Variants in PHKA1 observed in about 807,000 individuals in gnomAD.
The protein encoded by PHKA1 is phosphorylase kinase regulatory subunit alpha 1.
A neutral mutation model predicts 110.2 loss-of-function variants in PHKA1; 60 were observed. That is an observed-to-expected ratio of 0.54 (90% CI 0.44 to 0.68). The LOEUF is 0.68. PHKA1 is among the 30% of genes least tolerant of loss of function. The pLI is 0.00. For synonymous variants in PHKA1, 316 were observed against 333.6 expected (o/e 0.95, Z 0.58); for missense variants, 801 against 942.5 (o/e 0.85, Z 1.97).
chrX:72,652,486 G>T, intron 12 of PHKA1, 58 bp downstream of exon 12: 1 of 661,269 alleles, frequency 1.5e-6, no homozygotes, highest in Non-Finnish European at 2.5e-6. Context: ...TTAAAAATCT[G>T]ATTATTATGG....
In PHKA1 at chrX:72,582,530, C is replaced by T. The variant is rs782628604; in HGVS notation, c.3366G>A (p.Glu1122=). Residue 1122 remains glutamate (E), a synonymous_variant, in exon 31 of 32, where the codon GAG becomes GAA. Transcript: ENST00000373542. ...ESVLNRVPQP[E]YRQLLVEAIL... is the part of the protein sequence containing the mutation. ...TGGCTTCAACCAGCAGCTGACGGTA[C>T]TCTGGCTGAGGTACACGATTCAGGA... 2.3e-5 allele frequency: 28 copies of T among 1,202,436 alleles called. No homozygotes were observed. The highest frequency in any genetic ancestry group is 2.7e-5 in the Non-Finnish European group (24 of 888,328).
chrX:72,622,668 C>A (rs915195390), intron 18 of PHKA1: 1 of 743,950 alleles, frequency 1.3e-6, no homozygotes, highest in African/African-American at 2.3e-5. Context: ...ACTACACAGA[C>A]CTCCCCAGAG....
intron 3 of PHKA1, among the ~76,000 whole-genome samples, chrX:72,704,946 G>T (rs2054258853): frequency 9.0e-6 from 1 of 111,412 alleles, no homozygotes; most frequent in African/African-American, 3.3e-5. Context: ...ACAATTGCAT[G>T]TACAGTAATG....
chrX:72,602,330 C>A (rs1569426989), intron 26 of PHKA1, 57 bp from the exon 27 acceptor site: 1 of 717,498 alleles, frequency 1.4e-6, no homozygotes, highest in Non-Finnish European at 2.2e-6. Flanking sequence ...TCAATTTCTT[C>A]CCCATCACAT....
intron 13 of PHKA1, among the ~76,000 whole-genome samples, chrX:72,646,208 C>T (rs971259950): frequency 3.6e-5 from 4 of 111,559 alleles, no homozygotes; most frequent in Non-Finnish European, 7.5e-5. Context: ...CATCTTTGGG[C>T]CATGCTTTCC....
chrX:72,628,736 C>T (rs1050182052), intron 16 of PHKA1, among the ~76,000 whole-genome samples: 8 of 107,929 alleles, frequency 7.4e-5, no homozygotes, highest in East Asian at 2.9e-4. Flanking sequence ...ACTACAGGCG[C>T]GTGCCACCAC....
chrX:72,598,209 A>G (rs1341642392), intron 28 of PHKA1, among the ~76,000 whole-genome samples: 1 of 112,015 alleles, frequency 8.9e-6, no homozygotes, highest in East Asian at 2.8e-4. Context: ...ATGTGAATTG[A>G]CATTTCTCTA....
At chrX:72,670,369 C>G (rs1218849859) in intron 6 of PHKA1, among the ~76,000 whole-genome samples, 1 of 111,620 alleles carries the variant, frequency 9.0e-6, no homozygotes, top group Non-Finnish European at 1.9e-5. Flanking sequence ...TACAGAAGCT[C>G]TTTAGTTTAA....
intron 29 of PHKA1, among the ~76,000 whole-genome samples, chrX:72,592,818 A>G (rs2052539231): frequency 8.9e-6 from 1 of 112,491 alleles, no homozygotes; most frequent in South Asian, 3.7e-4. Flanking sequence ...ATTAGCAGCA[A>G]ATGTATCACA....
chrX:72,681,713 G>A (rs1431145423), intron 5 of PHKA1, among the ~76,000 whole-genome samples: 44 of 79,380 alleles, frequency 5.5e-4, no homozygotes, highest in African/African-American at 2.1e-3. Context: ...CCGTCCGGGA[G>A]GGAGGTGGGG....
At chrX:72,681,370 A>T in intron 5 of PHKA1, among the ~76,000 whole-genome samples, 1 of 111,704 alleles carries the variant, frequency 9.0e-6, no homozygotes, top group Non-Finnish European at 1.9e-5. Flanking sequence ...TCCGCCCGGC[A>T]GCCACCCCAT....
intron 15 of PHKA1, among the ~76,000 whole-genome samples, chrX:72,635,872 G>C (rs782233775): frequency 1.4e-4 from 16 of 111,642 alleles, no homozygotes; most frequent in African/African-American, 5.2e-4. Context: ...GTTTAGAAGA[G>C]GATACTGAAG....
At chrX:72,633,843 T>A (rs1200904532) in intron 16 of PHKA1, among the ~76,000 whole-genome samples, 1 of 112,072 alleles carries the variant, frequency 8.9e-6, no homozygotes, top group Admixed American at 9.4e-5. Context: ...TATTGAACCC[T>A]ACCTTACTTT....
chrX:72,605,165 T>G, intron 25 of PHKA1, 106 bp downstream of exon 25: 1 of 763,796 alleles, frequency 1.3e-6, no homozygotes, highest in Non-Finnish European at 2.0e-6. Context: ...ATCCAGCTTC[T>G]GAGCTATGGA....
rs200225092 is a variant in PHKA1 at position 72,589,795 on chromosome X, T to G, written c.3243+3309A>C. 7.0e-4 allele frequency among the ~76,000 whole-genome samples: 72 copies of G among 102,934 alleles called. No individual in the cohort carries two copies. The East Asian group carries it at 8.6e-3, about 12-fold the overall frequency. The allele number at this position is 102,934 out of a possible 115,157, so 89.4% of individuals were successfully genotyped here. A position where few individuals can be genotyped will look rare whatever the true frequency, so the allele number is the denominator to read the frequency against. ...CCTATATACTAATAATAAACAGAGA[T>G]CCAAATCATGAGTGAACTCCCATTC... is the stretch of plus-strand genomic sequence containing the variant. On this transcript the variant is annotated intron_variant, in intron 29 of 31. Coordinates refer to ENST00000373542, the MANE Select transcript of PHKA1 (RefSeq NM_002637.4).
intron 21 of PHKA1, among the ~76,000 whole-genome samples, chrX:72,613,605 T>C (rs914420742): frequency 8.9e-6 from 1 of 112,071 alleles, no homozygotes; most frequent in African/African-American, 3.2e-5. Flanking sequence ...ATGAAAAATA[T>C]CAGTGAGCAA....
At chrX:72,699,534 AG>A (rs1223222831) in intron 3 of PHKA1, among the ~76,000 whole-genome samples, 22 of 101,580 alleles carry the variant, frequency 2.2e-4, no homozygotes, top group South Asian at 4.8e-4. Context: ...AAAAAAAAAG[AG>A]GGATGTTCAG....
Position 72,695,599 on chromosome X carries a change from T to C in PHKA1, c.454+109A>G, listed in dbSNP as rs782006513. On this transcript the variant is annotated intron_variant, in intron 4 of 31. Coordinates refer to ENST00000373542, the MANE Select transcript of PHKA1 (RefSeq NM_002637.4). The stretch of plus-strand genomic sequence containing the variant: ...ATTAATAAATAATAAAAAATACCTG[T>C]TTCATGAAGATCTACCCCAGCCTTC... 8 of 730,320 alleles carry C rather than the reference T, an allele frequency of 1.1e-5. No individual in the cohort carries two copies. The South Asian group carries it at 1.7e-4, about 15-fold the overall frequency. The allele number at this position is 730,320 out of a possible 1,213,427, so 60.2% of individuals were successfully genotyped here. A position where few individuals can be genotyped will look rare whatever the true frequency, so the allele number is the denominator to read the frequency against.
chrX:72,642,524 AG>A (rs1569439081), intron 14 of PHKA1, among the ~76,000 whole-genome samples: 1 of 111,319 alleles, frequency 9.0e-6, no homozygotes, highest in Non-Finnish European at 1.9e-5. Flanking sequence ...CCTTATCTCA[AG>A]GGATTTAGTG....
Sources: allele counts gnomAD v4.1 joint callset (sites outside exome capture counted in the v4.1 genomes callset), GRCh38; gene constraint gnomAD v4.1.1; transcripts MANE v1.5; gene names NCBI Gene and HGNC (gene_info 2026-07-23, HGNC 2026-07-21).